Variants in HECW2 observed in about 807,000 individuals in gnomAD.
HECW2 encodes E3 ubiquitin-protein ligase HECW2.
HECW2 carries 61 observed loss-of-function variants against 175.2 expected under a neutral mutation model. That is an observed-to-expected ratio of 0.35 (90% CI 0.28 to 0.43). The LOEUF is 0.43. HECW2 is among the 20% of genes least tolerant of loss of function. The pLI is 1.00. For missense variants in HECW2, 1,524 were observed against 2,000.5 expected (o/e 0.76, Z 4.54); for synonymous variants, 671 against 731.0 (o/e 0.92, Z 1.32).
intron 2 of HECW2, among the ~76,000 whole-genome samples, chr2:196,425,469 C>A (rs1457160507): frequency 6.6e-6 from 1 of 152,148 alleles, no homozygotes; most frequent in Admixed American, 6.5e-5. Context: ...AAGGGATTCA[C>A]CATTCTAGAT....
At chr2:196,576,725 G>A (rs1243319424) in intron 1 of HECW2, among the ~76,000 whole-genome samples, 1 of 152,092 alleles carries the variant, frequency 6.6e-6, no homozygotes, top group African/African-American at 2.4e-5. Context: ...ACAAAAAAAA[G>A]ATAACCATGT....
chr2:196,485,608 A>T (rs1267590577), intron 1 of HECW2, among the ~76,000 whole-genome samples: 1 of 152,156 alleles, frequency 6.6e-6, no homozygotes, highest in Admixed American at 6.5e-5. Context: ...ACATTATCAC[A>T]TGGTGATTAA....
chr2:196,229,234 C>T (rs1364158207), intron 21 of HECW2, among the ~76,000 whole-genome samples: 1 of 151,954 alleles, frequency 6.6e-6, no homozygotes, highest in Non-Finnish European at 1.5e-5. Flanking sequence ...TTTTCTTCTC[C>T]TTCTTCCTCT....
chr2:196,484,926 G>T (rs1369596327), intron 1 of HECW2, among the ~76,000 whole-genome samples: 1 of 152,162 alleles, frequency 6.6e-6, no homozygotes, highest in African/African-American at 2.4e-5. Flanking sequence ...CTTTGGGTAG[G>T]TAGCAAGATG....
chr2:196,309,937 G>A (rs56125628), intron 10 of HECW2, among the ~76,000 whole-genome samples: 43,083 of 151,964 alleles, frequency 0.28, 6,353 homozygotes, highest in Middle Eastern at 0.35. Context: ...AACAGTGAAA[G>A]AAATTCTCAA....
At chr2:196,568,686 A>G (rs1045244681) in intron 1 of HECW2, among the ~76,000 whole-genome samples, 1 of 152,168 alleles carries the variant, frequency 6.6e-6, no homozygotes, top group Non-Finnish European at 1.5e-5. Flanking sequence ...TACTCTTGCA[A>G]TGCTGGGTAG....
At chr2:196,577,280 TAA>T (rs914933678) in intron 1 of HECW2, among the ~76,000 whole-genome samples, 2 of 152,212 alleles carry the variant, frequency 1.3e-5, no homozygotes, top group African/African-American at 4.8e-5. Flanking sequence ...GTGCTGTGCT[TAA>T]GTTTCTATTA....
intron 1 of HECW2, among the ~76,000 whole-genome samples, chr2:196,560,296 T>C (rs111264116): frequency 0.051 from 7,681 of 152,076 alleles, 642 homozygotes; most frequent in African/African-American, 0.17. Context: ...CAGGTACCCA[T>C]CACCATGCCC....
rs1413813512 is a variant in HECW2, at chr2:196,199,401, A to T, written c.*1876T>A. 2 of 152,446 alleles carry T rather than the reference A, an allele frequency of 1.3e-5. No individual in the cohort carries two copies. Among genetic ancestry groups the T allele is most frequent in the Non-Finnish European group, 2.9e-5 (2 of 67,986 alleles). 9.4% of individuals were successfully genotyped at this position (152,446 alleles called of 1,614,324 possible). ...GATTTCTATAACCCTTTTTCAGAAC[A>T]TTTCTTCACACTGCAGTACGTGCCT... On this transcript the variant is annotated 3_prime_UTR_variant, in exon 29 of 29. Transcript: ENST00000644978.
intron 1 of HECW2, among the ~76,000 whole-genome samples, chr2:196,473,401 T>C (rs1287369374): frequency 1.3e-5 from 2 of 152,224 alleles, no homozygotes; most frequent in Admixed American, 6.5e-5. Context: ...TGGTATGTCA[T>C]GTCATTTATA....
chr2:196,421,504 C>T (rs1236340304), intron 2 of HECW2, among the ~76,000 whole-genome samples: 3 of 152,026 alleles, frequency 2.0e-5, no homozygotes. Flanking sequence ...TAGGTGTGTC[C>T]ACTATTTAGT....
chr2:196,211,513 A>G (rs1457828147), intron 28 of HECW2, among the ~76,000 whole-genome samples: 1 of 152,130 alleles, frequency 6.6e-6, no homozygotes, highest in Non-Finnish European at 1.5e-5. Flanking sequence ...GTCACTTCAT[A>G]ACCACAAGAG....
At chr2:196,257,746 A>G (rs1689118581) in intron 18 of HECW2, 77 bp downstream of exon 18, 1 of 1,005,968 alleles carries the variant, frequency 9.9e-7, no homozygotes, top group Non-Finnish European at 1.5e-6. Context: ...GAATATTGGC[A>G]TATTATTTTC....
At chr2:196,527,742 C>T (rs1212561003) in intron 1 of HECW2, among the ~76,000 whole-genome samples, 1 of 152,222 alleles carries the variant, frequency 6.6e-6, no homozygotes, top group African/African-American at 2.4e-5. Flanking sequence ...TCAGACTTAA[C>T]AGCAGCACGC....
intron 19 of HECW2, among the ~76,000 whole-genome samples, chr2:196,250,228 A>G (rs1194427890): frequency 6.6e-6 from 1 of 152,238 alleles, no homozygotes; most frequent in East Asian, 1.9e-4. Flanking sequence ...GGGATGGTCC[A>G]CTTTAAACCC....
At chr2:196,363,505 C>T (rs1693658386) in intron 2 of HECW2, among the ~76,000 whole-genome samples, 1 of 152,206 alleles carries the variant, frequency 6.6e-6, no homozygotes, top group Admixed American at 6.5e-5. Flanking sequence ...AATGGGTCCA[C>T]AGTGGGCTCA....
intron 9 of HECW2, 55 bp downstream of exon 9, chr2:196,318,496 CT>C: frequency 7.2e-7 from 1 of 1,397,626 alleles, no homozygotes; most frequent in Non-Finnish European, 9.3e-7. Flanking sequence ...AACTACAGAA[CT>C]TCTCTCTGCA....
chr2:196,487,551 C>T (rs966339110), intron 1 of HECW2, among the ~76,000 whole-genome samples: 1 of 152,120 alleles, frequency 6.6e-6, no homozygotes, highest in African/African-American at 2.4e-5. Context: ...GAACCACACC[C>T]CACTCTCCAG....
chr2:196,345,837 T>C (rs747080064), intron 2 of HECW2, among the ~76,000 whole-genome samples: 1 of 152,226 alleles, frequency 6.6e-6, no homozygotes, highest in Admixed American at 6.5e-5. Context: ...TTCTGAAAGA[T>C]ACTTTAATTA....
Sources: gnomAD v4.1 joint callset for allele counts (sites outside exome capture counted in the v4.1 genomes callset) on GRCh38, gnomAD v4.1.1 for gene constraint, MANE v1.5 for transcripts, NCBI Gene and HGNC (gene_info 2026-07-23, HGNC 2026-07-21) for gene names.